DAB1: variants seen among roughly 807,000 people sequenced by gnomAD.
DAB1 encodes the protein DAB adaptor protein 1, also known as disabled homolog 1.
DAB1 carries 15 observed loss-of-function variants against 64.6 expected under a neutral mutation model. That is an observed-to-expected ratio of 0.23 (90% CI 0.16 to 0.36). The LOEUF (loss-of-function observed/expected upper bound fraction) is 0.36, where lower values mean the gene tolerates loss of function less well. Among genes scored for constraint, DAB1 ranks in the 10% least tolerant of loss-of-function variants. DAB1 has a pLI of 1.00. For synonymous variants in DAB1, 235 were observed against 251.9 expected, an observed-to-expected ratio of 0.93 and a Z score of 0.64; for missense variants, 596 against 706.7, an observed-to-expected ratio of 0.84 and a Z score of 1.78.
intron 5 of DAB1, among the ~76,000 whole-genome samples, chr1:58,004,800 C>T (rs908052430): frequency 6.6e-6 from 1 of 152,092 alleles, no homozygotes; most frequent in African/African-American, 2.4e-5. Context: ...CAATGCCTAC[C>T]ACAGAGAGGC....
At chr1:58,289,301 G>GT (rs1661761333) in intron 4 of DAB1, among the ~76,000 whole-genome samples, 2 of 152,240 alleles carry the variant, frequency 1.3e-5, no homozygotes, top group African/African-American at 4.8e-5. Flanking sequence ...TATGATGGCT[G>GT]TAACTATTCC....
intron 2 of DAB1, among the ~76,000 whole-genome samples, chr1:57,252,065 T>C (rs1669383612): frequency 6.6e-6 from 1 of 152,352 alleles, no homozygotes; most frequent in African/African-American, 2.4e-5. Flanking sequence ...ACCCCAATAT[T>C]AGTGAATCGA....
At chr1:57,066,215 T>G (rs972218115) in intron 8 of DAB1, among the ~76,000 whole-genome samples, 2 of 152,190 alleles carry the variant, frequency 1.3e-5, no homozygotes, top group Admixed American at 1.3e-4. Flanking sequence ...ATCTTGCTTA[T>G]ATAGGAAGCC....
chr1:57,846,796 G>A (rs930020892), intron 1 of DAB1, among the ~76,000 whole-genome samples: 17 of 152,166 alleles, frequency 1.1e-4, no homozygotes, highest in Admixed American at 6.5e-5. Context: ...GTAAGAGAAC[G>A]AAACACATAC....
chr1:58,459,636 A>G (rs1230645264), intron 3 of DAB1, among the ~76,000 whole-genome samples: 1 of 152,260 alleles, frequency 6.6e-6, no homozygotes, highest in African/African-American at 2.4e-5. Context: ...TTATAATGTA[A>G]TTTCACAAAT....
intron 7 of DAB1, among the ~76,000 whole-genome samples, chr1:57,568,680 C>T (rs1466419623): frequency 6.6e-6 from 1 of 152,132 alleles, no homozygotes; most frequent in East Asian, 1.9e-4. Flanking sequence ...GAAAAAAATG[C>T]TCATCATCAC....
chr1:58,083,678 T>A (rs1650134307), intron 5 of DAB1, among the ~76,000 whole-genome samples: 1 of 152,170 alleles, frequency 6.6e-6, no homozygotes, highest in Non-Finnish European at 1.5e-5. Context: ...CATTGGTGAA[T>A]AAAATAGACA....
intron 9 of DAB1, among the ~76,000 whole-genome samples, chr1:57,040,590 AT>A (rs1647632921): frequency 6.6e-6 from 1 of 152,200 alleles, no homozygotes; most frequent in Non-Finnish European, 1.5e-5. Flanking sequence ...GCAAGATGGC[AT>A]TGCTACTTTA....
chr1:57,989,149 C>G (rs1411183251), intron 5 of DAB1, among the ~76,000 whole-genome samples: 1 of 152,100 alleles, frequency 6.6e-6, no homozygotes, highest in Non-Finnish European at 1.5e-5. Flanking sequence ...TCTCTGGATA[C>G]CAAATGGGGA....
At chr1:57,949,278 AAT>A (rs1245594407) in intron 5 of DAB1, among the ~76,000 whole-genome samples, 1 of 152,156 alleles carries the variant, frequency 6.6e-6, no homozygotes, top group Admixed American at 6.6e-5. Context: ...TGCAGTTCAC[AAT>A]AGGGTTTGTG....
rs923966753 is a variant in DAB1, at chr1:58,104,221, C to G, written n.387+46290G>C. On this transcript the variant is annotated intron_variant and non_coding_transcript_variant, in intron 5 of 20. Coordinates refer to the DAB1 transcript ENST00000485760. ...AGGGAAAGGACTTCCAAATCCCAAC[C>G]TCTAGCACACAGTGGACCCTCAATT... 2.6e-5 allele frequency among the ~76,000 whole-genome samples: 4 copies of G among 152,210 alleles called. No individual in the cohort carries two copies. In the South Asian group the frequency reaches 8.3e-4, roughly 32 times the overall value.
chr1:57,313,533 G>A (rs961877324), intron 1 of DAB1, among the ~76,000 whole-genome samples: 1 of 152,142 alleles, frequency 6.6e-6, no homozygotes, highest in Non-Finnish European at 1.5e-5. Context: ...CTATGAGGAA[G>A]GGGTAAGTTG....
At chr1:57,678,889 C>T (rs1406849256) in intron 6 of DAB1, among the ~76,000 whole-genome samples, 1 of 151,574 alleles carries the variant, frequency 6.6e-6, no homozygotes, top group Non-Finnish European at 1.5e-5. Flanking sequence ...GCCACAGCCT[C>T]CTGAGTAGCT....
chr1:58,526,797 C>G (rs1408325346), intron 2 of DAB1, among the ~76,000 whole-genome samples: 2 of 152,006 alleles, frequency 1.3e-5, no homozygotes, highest in Admixed American at 6.6e-5. Flanking sequence ...ATCAGAGAAG[C>G]AAGGGGTAAA....
intron 2 of DAB1, among the ~76,000 whole-genome samples, chr1:57,201,316 CTTTATTGAATG>C (rs1357828712): frequency 3.3e-5 from 5 of 151,892 alleles, no homozygotes; most frequent in African/African-American, 1.2e-4. Flanking sequence ...TGTCTACAGC[CTTTATTGAATG>C]AAGGCATCCA....
intron 5 of DAB1, among the ~76,000 whole-genome samples, chr1:57,990,875 G>A (rs1374301361): frequency 6.6e-6 from 1 of 152,128 alleles, no homozygotes; most frequent in Non-Finnish European, 1.5e-5. Flanking sequence ...ACAGTGTTTA[G>A]GGTACTCAGA....
At chr1:58,143,855 G>A (rs537062410) in intron 5 of DAB1, among the ~76,000 whole-genome samples, 10 of 152,014 alleles carry the variant, frequency 6.6e-5, no homozygotes, top group African/African-American at 9.7e-5. Context: ...TGTTTTTCTC[G>A]CCCTGACAGT....
chr1:58,456,571 AG>A (rs1356055328), intron 3 of DAB1, among the ~76,000 whole-genome samples: 7 of 152,326 alleles, frequency 4.6e-5, no homozygotes, highest in African/African-American at 1.7e-4. Flanking sequence ...GAAGGAAGAA[AG>A]GATCAGCGGG....
intron 3 of DAB1, among the ~76,000 whole-genome samples, chr1:58,404,620 C>G (rs1289586760): frequency 6.6e-6 from 1 of 152,180 alleles, no homozygotes; most frequent in Non-Finnish European, 1.5e-5. Flanking sequence ...CCCCCTTTGA[C>G]CAAGAGCCAC....
Sources: allele counts gnomAD v4.1 joint callset (sites outside exome capture counted in the v4.1 genomes callset), GRCh38; gene constraint gnomAD v4.1.1; transcripts MANE v1.5; gene names NCBI Gene and HGNC (gene_info 2026-07-23, HGNC 2026-07-21).